Variants in TSSK3 observed in about 807,000 individuals in gnomAD.
TSSK3 encodes the protein testis-specific serine/threonine-protein kinase 3.
A neutral mutation model predicts 18.9 loss-of-function variants in TSSK3; 16 were observed. That is an observed-to-expected ratio of 0.85 (90% CI 0.57 to 1.28). The LOEUF (loss-of-function observed/expected upper bound fraction) is 1.28. Ranked by LOEUF, TSSK3 falls within the 50% of genes most tolerant of loss-of-function variation. The pLI is 0.00. For synonymous variants in TSSK3, 146 were observed against 133.9 expected, an observed-to-expected ratio of 1.09 and a Z score of -0.62; for missense variants, 345 against 341.0, an observed-to-expected ratio of 1.01 and a Z score of -0.09.
In TSSK3 at chr1:32,363,957, T is replaced by C. The variant is rs376070172; in HGVS notation, c.508T>C (p.Cys170Arg). The C allele has an allele frequency of 1.9e-6, 3 of 1,614,264 alleles. No homozygotes were observed. The African/African-American group carries it at 4.0e-5, about 22-fold the overall frequency. Residue 170 changes from cysteine to arginine, a missense_variant, in exon 2 of 2, where the codon TGC (cysteine) becomes CGC (arginine). Transcript: ENST00000373534. ...KSHRELSQTF[C>R]GSTAYAAPEV... ...ACACCGGGAGCTGAGCCAGACCTTC[T>C]GCGGCAGTACAGCCTATGCTGCCCC... is the stretch of plus-strand genomic sequence containing the variant.
In TSSK3 at chr1:32,364,044, G is replaced by A. The variant is rs745932191; in HGVS notation, c.595G>A (p.Val199Ile). ...AGGTGATGTCTGGAGCATGGGTGTGGTCCTGTATGTCATGCTCTGTGCCAG... is the reference window on the plus strand; with the variant it reads ...AGGTGATGTCTGGAGCATGGGTGTGATCCTGTATGTCATGCTCTGTGCCAG... ...KKGDVWSMGV[V>I]LYVMLCASLP... The change falls in exon 2 of 2, where the codon GTC (valine) becomes ATC (isoleucine). Residue 199 changes from valine to isoleucine, a missense_variant. By Grantham distance (29) the Val-to-Ile change is conservative. Coordinates refer to ENST00000373534, the MANE Select transcript of TSSK3 (RefSeq NM_052841.4). 5 of 1,614,224 alleles carry A rather than the reference G, an allele frequency of 3.1e-6. No homozygotes were observed. Among genetic ancestry groups the A allele is most frequent in the Admixed American group, 3.3e-5 (2 of 60,026 alleles).
chr1:32,362,996 G>A, intron 1 of TSSK3, 150 bp downstream of exon 1: 1 of 866,714 alleles, frequency 1.2e-6, no homozygotes. Context: ...GAGTGGGTCA[G>A]TGGGGAACAG....
rs1641771409 is a variant in TSSK3 at position 32,364,209 on chromosome 1, C to T, written c.760C>T (p.Pro254Ser). 1.2e-6 allele frequency: 2 copies of T among 1,608,790 alleles called. No homozygotes were observed. The highest frequency in any genetic ancestry group is 3.3e-5 in the Admixed American group (2 of 59,908). Residue 254 changes from proline (P) to serine (S), a missense_variant, in exon 2 of 2, where the codon CCT (proline) becomes TCT (serine). Physicochemically the swap from Pro to Ser is moderately conservative, Grantham distance 74. Coordinates refer to ENST00000373534, the MANE Select transcript of TSSK3 (RefSeq NM_052841.4). Reference sequence around the variant, plus strand: ...CCTGGAACCCGATATGATCCTCCGGCCTTCAATTGAAGAAGTTAGTTGGCA... The same window carrying T: ...CCTGGAACCCGATATGATCCTCCGGTCTTCAATTGAAGAAGTTAGTTGGCA... ...RLLEPDMILR[P>S]SIEEVSWHPW...
Position 32,362,585 on chromosome 1 carries a change from G to C in TSSK3, c.-117G>C, listed in dbSNP as rs1641724075. ...CAGAGAATGTTCTAACGCTGGGGGC[G>C]GCTGCGGATGAAGTCCTTGGGGAGA... On this transcript the variant is annotated 5_prime_UTR_variant, in exon 1 of 2. Transcript: ENST00000373534. The C allele has an allele frequency of 8.1e-7, 1 of 1,229,158 alleles. No individual in the cohort carries two copies. The highest frequency in any genetic ancestry group is 2.3e-5 in the East Asian group (1 of 42,712). The allele number at this position is 1,229,158 out of a possible 1,614,324, so 76.1% of individuals were successfully genotyped here.
At position 32,362,544 on chromosome 1, in the gene TSSK3, C is replaced by G; in HGVS notation, c.-158C>G. On this transcript the variant is annotated 5_prime_UTR_variant, in exon 1 of 2. Coordinates refer to ENST00000373534, the MANE Select transcript of TSSK3 (RefSeq NM_052841.4). ...TCTGGCCCTGTCCCTCCCCACCACC[C>G]GCCGCTGTGTCCAGACAGAGAATGT... 1 of 827,286 alleles carries G rather than the reference C, an allele frequency of 1.2e-6. No individual in the cohort carries two copies. The highest frequency in any genetic ancestry group is 1.8e-5 in the South Asian group (1 of 54,886). The allele number at this position is 827,286 out of a possible 1,614,324, so 51.2% of individuals were successfully genotyped here. A position where few individuals can be genotyped will look rare whatever the true frequency, so the allele number is the denominator to read the frequency against.
chr1:32,363,347 CACAG>C (rs1484116497), intron 1 of TSSK3: 2 of 522,568 alleles, frequency 3.8e-6, no homozygotes, highest in African/African-American at 3.8e-5. Context: ...TATCCAGTCT[CACAG>C]ACTGCTCACA....
At position 32,362,813 on chromosome 1, in the gene TSSK3, ATTAAAG is replaced by A; in HGVS notation, c.116_121del (p.Lys39_Val40del). Reference sequence around the variant, plus strand: ...CAAAAAACACCAAAGAAAAGTGGCAATTAAAGTTATAGACAAGATGGGAGGGCCAGA... The same window carrying A: ...CAAAAAACACCAAAGAAAAGTGGCAATTATAGACAAGATGGGAGGGCCAGA... On this transcript the variant is annotated inframe_deletion, in exon 1 of 2. Transcript: ENST00000373534. 6.2e-7 allele frequency: 1 copy of A among 1,614,224 alleles called. No individual in the cohort carries two copies. Among genetic ancestry groups the A allele is most frequent in the Non-Finnish European group, 8.5e-7 (1 of 1,180,028 alleles).
Position 32,362,542 on chromosome 1 carries a change from C to T in TSSK3, c.-160C>T. ...TGTCTGGCCCTGTCCCTCCCCACCACCCGCCGCTGTGTCCAGACAGAGAAT... is the reference window on the plus strand; with the variant it reads ...TGTCTGGCCCTGTCCCTCCCCACCATCCGCCGCTGTGTCCAGACAGAGAAT... On this transcript the variant is annotated 5_prime_UTR_variant, in exon 1 of 2. Transcript: ENST00000373534. The T allele has an allele frequency of 4.9e-6, 4 of 817,150 alleles. No homozygotes were observed. The South Asian group carries it at 7.3e-5, about 15-fold the overall frequency. The allele number at this position is 817,150 out of a possible 1,614,324, so 50.6% of individuals were successfully genotyped here.
Position 32,363,664 on chromosome 1 carries a change from A to G in TSSK3, c.215A>G (p.Gln72Arg). The G allele has an allele frequency of 1.1e-5, 17 of 1,614,180 alleles. No homozygotes were observed. Among genetic ancestry groups the G allele is most frequent in the Non-Finnish European group, 1.4e-5 (17 of 1,180,018 alleles). ...VRTLDHKNIIQVYEMLESADG... is the reference protein window; with the variant it reads ...VRTLDHKNIIRVYEMLESADG... ...ACCCTGGACCACAAGAACATCATCCAGGTGTATGAGATGCTGGAGTCTGCC... is the reference window on the plus strand; with the variant it reads ...ACCCTGGACCACAAGAACATCATCCGGGTGTATGAGATGCTGGAGTCTGCC... The change falls in exon 2 of 2, where the codon CAG (glutamine) becomes CGG (arginine). Residue 72 changes from glutamine to arginine, a missense_variant. Coordinates refer to ENST00000373534, the MANE Select transcript of TSSK3 (RefSeq NM_052841.4).
In TSSK3 at chr1:32,363,753, A is replaced by C. The variant is rs748864863; in HGVS notation, c.304A>C (p.Asn102His). The C allele has an allele frequency of 1.9e-5, 30 of 1,614,164 alleles. No individual in the cohort carries two copies. Among genetic ancestry groups the C allele is most frequent in the Non-Finnish European group, 2.5e-5 (29 of 1,180,020 alleles). Reference sequence around the variant, plus strand: ...AGGGGATGTCTTTGACTGCGTGCTGAATGGGGGGCCACTGCCTGAAAGCCG... The same window carrying C: ...AGGGGATGTCTTTGACTGCGTGCTGCATGGGGGGCCACTGCCTGAAAGCCG... ...EGGDVFDCVL[N>H]GGPLPESRAK... The change falls in exon 2 of 2, where the codon AAT (asparagine) becomes CAT (histidine). Residue 102 changes from asparagine to histidine, a missense_variant. Coordinates refer to ENST00000373534, the MANE Select transcript of TSSK3 (RefSeq NM_052841.4).
intron 1 of TSSK3, chr1:32,363,357 TCAC>T: frequency 1.8e-6 from 1 of 550,452 alleles, no homozygotes; most frequent in Non-Finnish European, 3.3e-6. Flanking sequence ...CACAGACTGC[TCAC>T]AACAGTCCAC....
At chr1:32,363,570 A>C (rs769512239) in intron 1 of TSSK3, 25 bp from the exon 2 acceptor site, 17 of 1,587,802 alleles carry the variant, frequency 1.1e-5, no homozygotes, top group Non-Finnish European at 1.2e-5. Context: ...CTGCCAGCCC[A>C]TCTCTCCTCC....
intron 1 of TSSK3, 102 bp from the exon 2 acceptor site, chr1:32,363,493 A>C: frequency 8.8e-7 from 1 of 1,136,852 alleles, no homozygotes; most frequent in Non-Finnish European, 1.2e-6. Flanking sequence ...CCAAGAAATA[A>C]GACCCAGACA....
chr1:32,363,729 G>A lies in TSSK3; in HGVS notation c.280G>A (p.Gly94Arg), dbSNP rs147176527. ...ICLVMELAEG[G>R]DVFDCVLNGG... ...CCTGGTGATGGAGCTCGCTGAGGGA[G>A]GGGATGTCTTTGACTGCGTGCTGAA... Residue 94 changes from glycine to arginine, a missense_variant, in exon 2 of 2, where the codon GGG (glycine) becomes AGG (arginine). Transcript: ENST00000373534. The A allele has an allele frequency of 6.2e-7, 1 of 1,614,024 alleles. No homozygotes were observed. Among genetic ancestry groups the A allele is most frequent in the Non-Finnish European group, 8.5e-7 (1 of 1,179,942 alleles).
chr1:32,362,835 G>A lies in TSSK3; in HGVS notation c.134G>A (p.Gly45Glu), dbSNP rs761507505. 57 of 1,614,058 alleles carry A rather than the reference G, an allele frequency of 3.5e-5. No individual in the cohort carries two copies. The highest frequency in any genetic ancestry group is 4.3e-5 in the Non-Finnish European group (51 of 1,180,038). The change falls in exon 1 of 2, where the codon GGA becomes GAA. Residue 45 changes from glycine (G) to glutamate (E), a missense_variant. Coordinates refer to ENST00000373534, the MANE Select transcript of TSSK3 (RefSeq NM_052841.4). ...KVAIKVIDKM[G>E]GPEEFIQRFL... Reference sequence around the variant, plus strand: ...GCAATTAAAGTTATAGACAAGATGGGAGGGCCAGAAGGTGAGCCGGGGCCC... The same window carrying A: ...GCAATTAAAGTTATAGACAAGATGGAAGGGCCAGAAGGTGAGCCGGGGCCC...
In TSSK3 at chr1:32,363,863, G is replaced by C; in HGVS notation, c.414G>C (p.Glu138Asp). 1 of 1,614,166 alleles carries C rather than the reference G, an allele frequency of 6.2e-7. No homozygotes were observed. The highest frequency in any genetic ancestry group is 8.5e-7 in the Non-Finnish European group (1 of 1,180,050). Residue 138 changes from glutamate to aspartate, a missense_variant, in exon 2 of 2, where the codon GAG becomes GAC. By Grantham distance (45) the Glu-to-Asp change is conservative (BLOSUM62 2). Coordinates refer to ENST00000373534, the MANE Select transcript of TSSK3 (RefSeq NM_052841.4). ...CGVAHRDLKC[E>D]NALLQGFNLK... ...TGGCCCACCGGGACCTCAAATGTGA[G>C]AACGCCTTGTTGCAGGGCTTCAACC...
Position 32,363,722 on chromosome 1 carries a change from T to C in TSSK3, c.273T>C (p.Ala91=). Residue 91 remains alanine (A), a synonymous_variant, in exon 2 of 2, where the codon GCT becomes GCC. Coordinates refer to ENST00000373534, the MANE Select transcript of TSSK3 (RefSeq NM_052841.4). ...AAATCTGCCTGGTGATGGAGCTCGC[T>C]GAGGGAGGGGATGTCTTTGACTGCG... is the stretch of plus-strand genomic sequence containing the variant. ...DGKICLVMEL[A]EGGDVFDCVL... 6.2e-7 allele frequency: 1 copy of C among 1,613,574 alleles called. No homozygotes were observed. The highest frequency in any genetic ancestry group is 1.1e-5 in the South Asian group (1 of 90,946).
At position 32,363,707 on chromosome 1, in the gene TSSK3, G is replaced by C; in HGVS notation, c.258G>C (p.Leu86=). 1 of 1,612,718 alleles carries C rather than the reference G, an allele frequency of 6.2e-7. No homozygotes were observed. Among genetic ancestry groups the C allele is most frequent in the Non-Finnish European group, 8.5e-7 (1 of 1,179,402 alleles). Residue 86 remains leucine (L), a synonymous_variant, in exon 2 of 2, where the codon CTG becomes CTC. Coordinates refer to ENST00000373534, the MANE Select transcript of TSSK3 (RefSeq NM_052841.4). ...AGTCTGCCGACGGGAAAATCTGCCT[G>C]GTGATGGAGCTCGCTGAGGGAGGGG... is the stretch of plus-strand genomic sequence containing the variant. ...MLESADGKIC[L]VMELAEGGDV...
rs1212279497 is a variant in TSSK3, at chr1:32,363,653, GAAC to G, written c.206_208del (p.Asn69del). ...AAATCGTCCGTACCCTGGACCACAA[GAAC>G]ATCATCCAGGTGTATGAGATGCTGG... On this transcript the variant is annotated inframe_deletion, in exon 2 of 2. Transcript: ENST00000373534. 1 of 1,614,084 alleles carries G rather than the reference GAAC, an allele frequency of 6.2e-7. No homozygotes were observed. Among genetic ancestry groups the G allele is most frequent in the Non-Finnish European group, 8.5e-7 (1 of 1,180,044 alleles).
Sources: allele counts gnomAD v4.1 joint callset, GRCh38; gene constraint gnomAD v4.1.1; transcripts MANE v1.5; gene names NCBI Gene and HGNC (gene_info 2026-07-23, HGNC 2026-07-21).